HVCN1: variants seen among roughly 807,000 people sequenced by gnomAD.
The protein encoded by HVCN1 is voltage-gated hydrogen channel 1.
In HVCN1, 14 loss-of-function variants were observed where a neutral mutation model predicts 29.2. The observed-to-expected ratio is 0.48, with a 90% confidence interval of 0.32 to 0.75. HVCN1 has a LOEUF of 0.75. Among genes scored for constraint, HVCN1 ranks in the 30% least tolerant of loss-of-function variants. The probability of loss-of-function intolerance (pLI) is 0.04; values close to 1 mark genes in which losing one functional copy is unlikely to be tolerated. For missense variants in HVCN1, 263 were observed against 341.8 expected (o/e 0.77, Z 1.82); for synonymous variants, 131 against 133.2 (o/e 0.98, Z 0.11).
At position 110,676,813 on chromosome 12, in the gene HVCN1, TAATC is replaced by T. The variant is rs2068764829; in HGVS notation, c.21+6408_21+6411del. Among the ~76,000 whole-genome samples, 1 of 152,132 alleles carries T rather than the reference TAATC, an allele frequency of 6.6e-6. No individual in the cohort carries two copies. Among genetic ancestry groups the T allele is most frequent in the Non-Finnish European group, 1.5e-5 (1 of 68,026 alleles). On this transcript the variant is annotated intron_variant, in intron 3 of 7. Transcript: ENST00000242607. This position sits in a 1 kb window ranked among gnomAD's most constrained non-coding sequence, Gnocchi z 4.1. ...TTAATTTCAATCCTTTTGTGGCAAT[TAATC>T]TGAGCCAGGAGCACATCTGCATGCG...
rs115920634 is a variant in HVCN1, at chr12:110,687,652, G to A, written c.-20+973C>T. On this transcript the variant is annotated intron_variant, in intron 2 of 7. Coordinates refer to ENST00000242607, the MANE Select transcript of HVCN1 (RefSeq NM_032369.4). ...GATGCTGGCGGCCTGGTCTCAGGGT[G>A]GAAGTAGGGGGTGGAGGGGTGGCCG... Among the ~76,000 whole-genome samples, 483 of 152,248 alleles carry A rather than the reference G, an allele frequency of 3.2e-3. 3 individuals carry two copies. The highest frequency in any genetic ancestry group is 0.011 in the African/African-American group (468 of 41,532).
At chr12:110,669,230 C>G (rs2068482865) in intron 3 of HVCN1, among the ~76,000 whole-genome samples, 1 of 152,166 alleles carries the variant, frequency 6.6e-6, no homozygotes. Flanking sequence ...GCTCCTCCTT[C>G]TCCCTCACAC....
intron 4 of HVCN1, among the ~76,000 whole-genome samples, chr12:110,660,580 A>G (rs1438549113): frequency 6.6e-6 from 1 of 152,230 alleles, no homozygotes; most frequent in Admixed American, 6.5e-5. Flanking sequence ...TAAAATTTGC[A>G]TAACGTAAAA....
intron 2 of HVCN1, among the ~76,000 whole-genome samples, chr12:110,697,051 G>A (rs1566071839): frequency 6.6e-6 from 1 of 151,884 alleles, no homozygotes; most frequent in Non-Finnish European, 1.5e-5. Flanking sequence ...TAGGGGAGAG[G>A]AAGGGGCAGA....
intron 3 of HVCN1, chr12:110,682,610 G>A (rs2069020877): frequency 6.4e-6 from 1 of 155,820 alleles, no homozygotes; most frequent in Non-Finnish European, 1.4e-5. Flanking sequence ...TGAGACCACT[G>A]TATTATCAAA....
chr12:110,661,049 AC>A lies in HVCN1; in HGVS notation c.306+114del. On this transcript the variant is annotated intron_variant, in intron 4 of 7. Coordinates refer to ENST00000242607, the MANE Select transcript of HVCN1 (RefSeq NM_032369.4). The surrounding 1 kb of genome is among the most constrained non-coding windows in gnomAD (Gnocchi z 6.2). ...CCGGCACGTGGTAGGTGCTGGGCAAACACTCGTAGAATGAATGAGGCAGTGG... is the reference window on the plus strand; with the variant it reads ...CCGGCACGTGGTAGGTGCTGGGCAAAACTCGTAGAATGAATGAGGCAGTGG... 3.0e-6 allele frequency: 3 copies of A among 1,003,338 alleles called. No homozygotes were observed. Among genetic ancestry groups the A allele is most frequent in the Non-Finnish European group, 4.5e-6 (3 of 665,964 alleles). 62.2% of individuals were successfully genotyped at this position (1,003,338 alleles called of 1,614,324 possible). A position where few individuals can be genotyped will look rare whatever the true frequency, so the allele number is the denominator to read the frequency against.
At chr12:110,671,891 G>A (rs1371607469) in intron 3 of HVCN1, among the ~76,000 whole-genome samples, 1 of 152,196 alleles carries the variant, frequency 6.6e-6, no homozygotes, top group Non-Finnish European at 1.5e-5. Context: ...GGCAAACTGA[G>A]GCCTGGGGAG....
chr12:110,704,924 C>T (rs1470789233), exon 1 of HVCN1: 1 of 152,250 alleles, frequency 6.6e-6, no homozygotes, highest in East Asian at 1.9e-4. Flanking sequence ...ACATGTTCAC[C>T]TCCAGGAGGC....
Position 110,694,934 on chromosome 12 carries a change from T to C in HVCN1, c.-103-6226A>G, listed in dbSNP as rs1000750276. Among the ~76,000 whole-genome samples the C allele has an allele frequency of 2.0e-5, 3 of 152,216 alleles. No homozygotes were observed. Among genetic ancestry groups the C allele is most frequent in the East Asian group, 1.9e-4 (1 of 5,190 alleles). On this transcript the variant is annotated intron_variant, in intron 2 of 4. Transcript: ENST00000546713. This position sits in a 1 kb window ranked among gnomAD's most constrained non-coding sequence, Gnocchi z 4.6. ...GGCCTGGGTGTAAATCCTGCCTCAA[T>C]GGTTTCCCTTGCCCGCTGGGTGATC...
chr12:110,668,231 G>T (rs1385553906), intron 3 of HVCN1, among the ~76,000 whole-genome samples: 1 of 152,186 alleles, frequency 6.6e-6, no homozygotes, highest in African/African-American at 2.4e-5. Flanking sequence ...CCTGGGCATG[G>T]TGACTCACAT....
chr12:110,698,443 T>TA (rs2069525964), intron 2 of HVCN1, among the ~76,000 whole-genome samples: 1 of 152,202 alleles, frequency 6.6e-6, no homozygotes, highest in Non-Finnish European at 1.5e-5. Flanking sequence ...TGCTGGTTGC[T>TA]AGTGGAAAGT....
At chr12:110,686,060 A>G (rs948083222) in intron 2 of HVCN1, among the ~76,000 whole-genome samples, 3 of 151,708 alleles carry the variant, frequency 2.0e-5, no homozygotes, top group South Asian at 4.2e-4. Context: ...ATGCAGTGGT[A>G]TGATCTCGGC....
chr12:110,666,470 CAG>C (rs890878514), intron 3 of HVCN1, among the ~76,000 whole-genome samples: 1 of 151,758 alleles, frequency 6.6e-6, no homozygotes, highest in Non-Finnish European at 1.5e-5. Context: ...AACTTAAAGA[CAG>C]GGCAATAAAA....
At position 110,651,351 on chromosome 12, in the gene HVCN1, A is replaced by T; in HGVS notation, c.509T>A (p.Phe170Tyr). 1 of 1,613,944 alleles carries T rather than the reference A, an allele frequency of 6.2e-7. No homozygotes were observed. Among genetic ancestry groups the T allele is most frequent in the Non-Finnish European group, 8.5e-7 (1 of 1,179,774 alleles). Reference protein sequence around the residue: ...VFRLEFFHHKFEILDAVVVVV... With the variant: ...VFRLEFFHHKYEILDAVVVVV... The stretch of plus-strand genomic sequence containing the variant: ...CACCACGACGGCATCCAGGATCTCA[A>T]ACTTGTGGTGAAAGAACTCCAGGCG... The change falls in exon 6 of 8, where the codon TTT becomes TAT. Residue 170 changes from phenylalanine (F) to tyrosine (Y), a missense_variant. Phe to Tyr is a conservative substitution (Grantham distance 22). Transcript: ENST00000242607.
rs906910220 is a variant in HVCN1, at chr12:110,676,853, G to A, written c.21+6372C>T. 4.6e-5 allele frequency among the ~76,000 whole-genome samples: 7 copies of A among 151,988 alleles called. No individual in the cohort carries two copies. Among genetic ancestry groups the A allele is most frequent in the African/African-American group, 1.7e-4 (7 of 41,372 alleles). ...GCACATCTGCATGCGAGTCCCACAG[G>A]TCCTCCTAGTGAGTCACTGACACTG... On this transcript the variant is annotated intron_variant, in intron 3 of 7. Coordinates refer to ENST00000242607, the MANE Select transcript of HVCN1 (RefSeq NM_032369.4). This position sits in a 1 kb window ranked among gnomAD's most constrained non-coding sequence, Gnocchi z 4.1.
At chr12:110,704,193 G>T (rs1297425776) in intron 1 of HVCN1, among the ~76,000 whole-genome samples, 1 of 152,104 alleles carries the variant, frequency 6.6e-6, no homozygotes, top group Non-Finnish European at 1.5e-5. Context: ...TCCGTCCATG[G>T]GGGGTGGTTA....
intron 2 of HVCN1, among the ~76,000 whole-genome samples, chr12:110,697,026 G>A (rs1419095782): frequency 6.6e-6 from 1 of 151,924 alleles, no homozygotes; most frequent in Non-Finnish European, 1.5e-5. Flanking sequence ...GGGAACTGTG[G>A]GTGGCATGGA....
At chr12:110,703,934 C>T (rs2069584843) in intron 1 of HVCN1, among the ~76,000 whole-genome samples, 1 of 152,206 alleles carries the variant, frequency 6.6e-6, no homozygotes, top group South Asian at 2.1e-4. Flanking sequence ...ATCTGCCCAC[C>T]TCGGCCTCCC....
intron 3 of HVCN1, 41 bp downstream of exon 3, chr12:110,683,180 AGGCT>A: frequency 6.2e-7 from 1 of 1,613,558 alleles, no homozygotes; most frequent in South Asian, 1.1e-5. Flanking sequence ...TATCCTCTCA[AGGCT>A]GGGATATCCT....
Sources: gnomAD v4.1 joint callset for allele counts (sites outside exome capture counted in the v4.1 genomes callset) on GRCh38, gnomAD v4.1.1 for gene constraint, Gnocchi (gnomAD v3.1) non-coding constraint, MANE v1.5 for transcripts, NCBI Gene and HGNC (gene_info 2026-07-23, HGNC 2026-07-21) for gene names.